Variants in ZNF783 observed in about 807,000 individuals in gnomAD.
ZNF783 encodes protein ZNF783.
A neutral mutation model predicts 31.3 loss-of-function variants in ZNF783; 25 were observed. The ratio of observed to expected loss-of-function variants is 0.80; its 90% CI spans 0.58 to 1.11. The LOEUF (loss-of-function observed/expected upper bound fraction) is 1.11. Among genes scored for constraint, ZNF783 ranks in the 50% most tolerant of loss-of-function variants. ZNF783 has a pLI of 0.00. For synonymous variants in ZNF783, 369 were observed against 319.1 expected (o/e 1.16, Z -1.66); for missense variants, 797 against 760.0 (o/e 1.05, Z -0.57).
intron 1 of ZNF783, among the ~76,000 whole-genome samples, chr7:149,264,872 C>CAA (rs56837970): frequency 0.024 from 1,252 of 53,020 alleles, 32 homozygotes; most frequent in African/African-American, 0.044. Context: ...GACTCCGTCT[C>CAA]AAAAAAAAAA....
rs1232299628 is a variant in ZNF783, at chr7:149,266,948, A to G, written c.547+3A>G. The G allele has an allele frequency of 2.5e-6, 4 of 1,613,910 alleles. No homozygotes were observed. In the African/African-American group the frequency reaches 5.3e-5, roughly 22 times the overall value. On this transcript the variant is annotated splice_donor_region_variant and intron_variant, in intron 3 of 5. Coordinates refer to ENST00000434415, the MANE Select transcript of ZNF783 (RefSeq NM_001195220.2). ...CTACGAGACGCTGGTCTCCCTGGGT[A>G]AGGCCACGGAGGGAGGATCTGGGCC...
chr7:149,277,576 T>C (rs1797361679), intron 4 of ZNF783, among the ~76,000 whole-genome samples: 1 of 151,564 alleles, frequency 6.6e-6, no homozygotes, highest in African/African-American at 2.4e-5. Context: ...CGTCTCTACT[T>C]AAAAAATACA....
chr7:149,281,988 G>C lies in ZNF783; in HGVS notation c.1286G>C (p.Arg429Pro). The C allele has an allele frequency of 6.3e-7, 1 of 1,576,702 alleles. No individual in the cohort carries two copies. The highest frequency in any genetic ancestry group is 1.1e-5 in the South Asian group (1 of 88,294). Residue 429 changes from arginine (R) to proline (P), a missense_variant, in exon 6 of 6, where the codon CGG (arginine) becomes CCG (proline). Physicochemically the swap from Arg to Pro is moderately radical, Grantham distance 103. Transcript: ENST00000434415. The part of the protein sequence containing the change: ...VAGGRALVGR[R>P]PAASKMYHCS... ...GGGGGCCGTGCCTTGGTGGGGCGGCGGCCTGCAGCCAGCAAGATGTACCAC... is the reference window on the plus strand; with the variant it reads ...GGGGGCCGTGCCTTGGTGGGGCGGCCGCCTGCAGCCAGCAAGATGTACCAC...
chr7:149,262,333 C>G lies in ZNF783; in HGVS notation c.-1C>G. ...CAACCCAGCGAGGGACGCGGGCAGC[C>G]ATGGCCGAAGCGGCGCCTGCCCGGG... On this transcript the variant is annotated 5_prime_UTR_variant, in exon 1 of 6. Coordinates refer to ENST00000434415, the MANE Select transcript of ZNF783 (RefSeq NM_001195220.2). 1 of 1,344,928 alleles carries G rather than the reference C, an allele frequency of 7.4e-7. No individual in the cohort carries two copies. Among genetic ancestry groups the G allele is most frequent in the Non-Finnish European group, 9.6e-7 (1 of 1,043,468 alleles). The allele number at this position is 1,344,928 out of a possible 1,614,324, so 83.3% of individuals were successfully genotyped here. A position where few individuals can be genotyped will look rare whatever the true frequency, so the allele number is the denominator to read the frequency against.
chr7:149,282,000 G>A lies in ZNF783; in HGVS notation c.1298G>A (p.Ser433Asn). The change falls in exon 6 of 6, where the codon AGC (serine) becomes AAC (asparagine). Residue 433 changes from serine to asparagine, a missense_variant. Transcript: ENST00000434415. ...RALVGRRPAA[S>N]KMYHCSECLR... ...TTGGTGGGGCGGCGGCCTGCAGCCA[G>A]CAAGATGTACCACTGCAGCGAGTGC... The A allele has an allele frequency of 6.3e-7, 1 of 1,581,764 alleles. No homozygotes were observed. Among genetic ancestry groups the A allele is most frequent in the South Asian group, 1.1e-5 (1 of 88,880 alleles).
At position 149,282,118 on chromosome 7, in the gene ZNF783, C is replaced by G. The variant is rs768840265; in HGVS notation, c.1416C>G (p.Gly472=). 1 of 1,598,732 alleles carries G rather than the reference C, an allele frequency of 6.3e-7. No individual in the cohort carries two copies. Among genetic ancestry groups the G allele is most frequent in the Non-Finnish European group, 8.5e-7 (1 of 1,179,216 alleles). ...GQGWPACPYC[G]KAFRRPSDLF... ...GCTGGCCCGCCTGCCCCTACTGCGGCAAGGCCTTCCGCCGGCCCTCGGACC... is the reference window on the plus strand; with the variant it reads ...GCTGGCCCGCCTGCCCCTACTGCGGGAAGGCCTTCCGCCGGCCCTCGGACC... Residue 472 remains glycine, a synonymous_variant, in exon 6 of 6, where the codon GGC becomes GGG. Coordinates refer to ENST00000434415, the MANE Select transcript of ZNF783 (RefSeq NM_001195220.2).
At chr7:149,277,622 C>G (rs1262357075) in intron 4 of ZNF783, among the ~76,000 whole-genome samples, 1 of 151,886 alleles carries the variant, frequency 6.6e-6, no homozygotes, top group Non-Finnish European at 1.5e-5. Flanking sequence ...CGTCTGTAAT[C>G]CCTACTACTT....
chr7:149,283,981 G>A lies in ZNF783; in HGVS notation c.*1638G>A, dbSNP rs1189973006. The A allele has an allele frequency of 6.6e-6, 1 of 152,182 alleles. No individual in the cohort carries two copies. The highest frequency in any genetic ancestry group is 1.5e-5 in the Non-Finnish European group (1 of 68,056). The allele number at this position is 152,182 out of a possible 1,614,324, so 9.4% of individuals were successfully genotyped here. A position where few individuals can be genotyped will look rare whatever the true frequency, so the allele number is the denominator to read the frequency against. The stretch of plus-strand genomic sequence containing the variant: ...TCGCCCATGGGGCTCTGTTCCCCAG[G>A]AGTCCTTTGTATTTTGGTGAACAAA... On this transcript the variant is annotated 3_prime_UTR_variant, in exon 6 of 6. Coordinates refer to ENST00000434415, the MANE Select transcript of ZNF783 (RefSeq NM_001195220.2).
In ZNF783 at chr7:149,267,194, G is replaced by A; in HGVS notation, c.645G>A (p.Glu215=). The change falls in exon 4 of 6, where the codon GAG becomes GAA. Residue 215 remains glutamate, a synonymous_variant. Transcript: ENST00000434415. ...RWGQEKGNEV[E]VGRPRMMGTG... ...GCCAGGAGAAGGGGAATGAAGTAGA[G>A]GTGGGACGTCCAAGGATGATGGGCA... 6.3e-7 allele frequency: 1 copy of A among 1,598,496 alleles called. No individual in the cohort carries two copies. The highest frequency in any genetic ancestry group is 8.5e-7 in the Non-Finnish European group (1 of 1,179,220).
chr7:149,267,370 C>T (rs1797104795), intron 4 of ZNF783, 148 bp downstream of exon 4: 1 of 1,117,396 alleles, frequency 8.9e-7, no homozygotes, highest in Admixed American at 2.9e-5. Flanking sequence ...ACAAGGCCAC[C>T]CTGGGCAGGA....
intron 4 of ZNF783, among the ~76,000 whole-genome samples, chr7:149,268,379 A>T (rs973367828): frequency 1.3e-5 from 2 of 152,222 alleles, no homozygotes; most frequent in African/African-American, 4.8e-5. Context: ...GAAGTATATT[A>T]AAAAAACTTA....
chr7:149,281,608 C>T lies in ZNF783; in HGVS notation c.906C>T (p.Pro302=), dbSNP rs770453002. 13 of 1,547,992 alleles carry T rather than the reference C, an allele frequency of 8.4e-6. No homozygotes were observed. Among genetic ancestry groups the T allele is most frequent in the Non-Finnish European group, 1.1e-5 (13 of 1,158,914 alleles). ...VSRGQTECRI[P]RGPRNRPGGP... ...GAGGCCAGACCGAGTGTAGAATCCC[C>T]CGAGGGCCCAGGAACAGGCCTGGGG... is the stretch of plus-strand genomic sequence containing the variant. The change falls in exon 6 of 6, where the codon CCC becomes CCT. Residue 302 remains proline (P), a synonymous_variant. Coordinates refer to ENST00000434415, the MANE Select transcript of ZNF783 (RefSeq NM_001195220.2).
At position 149,276,651 on chromosome 7, in the gene ZNF783, C is replaced by T. The variant is rs1337133742; in HGVS notation, c.674-1748C>T. 1.2e-5 allele frequency: 7 copies of T among 606,240 alleles called. No homozygotes were observed. In the South Asian group the frequency reaches 2.5e-4, roughly 22 times the overall value. 37.6% of individuals were successfully genotyped at this position (606,240 alleles called of 1,614,324 possible). On this transcript the variant is annotated intron_variant, in intron 4 of 5. Transcript: ENST00000434415. ...AGTGGACAGGACCCCACTTGGGTTA[C>T]TTTTTATTTATTTATTTATTTATTT...
At chr7:149,281,436 C>T (rs1158388906) in intron 5 of ZNF783, 69 bp from the exon 6 acceptor site, 10 of 1,362,894 alleles carry the variant, frequency 7.3e-6, no homozygotes, top group South Asian at 1.7e-5. Flanking sequence ...GAAGCCAGGA[C>T]TGGGCCGAGT....
rs1797096817 is a variant in ZNF783, at chr7:149,267,149, G to A, written c.600G>A (p.Glu200=). The part of the protein sequence containing the change: ...DILTRIERGE[E]PCLDRWGQEK... ...TCACCCGGATAGAGAGGGGAGAGGA[G>A]CCTTGTCTTGACCGGTGGGGCCAGG... Residue 200 remains glutamate (E), a synonymous_variant, in exon 4 of 6, where the codon GAG becomes GAA. Coordinates refer to ENST00000434415, the MANE Select transcript of ZNF783 (RefSeq NM_001195220.2). The A allele has an allele frequency of 1.1e-5, 17 of 1,599,450 alleles. No homozygotes were observed. Among genetic ancestry groups the A allele is most frequent in the Non-Finnish European group, 1.4e-5 (17 of 1,179,798 alleles).
intron 4 of ZNF783, among the ~76,000 whole-genome samples, chr7:149,269,227 C>T (rs1585611083): frequency 2.0e-5 from 3 of 152,208 alleles, no homozygotes; most frequent in East Asian, 1.9e-4. Flanking sequence ...GTTTGTTGGC[C>T]GCTTGCATGT....
At position 149,268,172 on chromosome 7, in the gene ZNF783, A is replaced by G. The variant is rs181313588; in HGVS notation, c.673+950A>G. On this transcript the variant is annotated intron_variant, in intron 4 of 5. Transcript: ENST00000434415. ...GGGTTTTGCCACATGCGCTTCATCCATCTGTTTTTACCCTTTTCCTGAACA... is the reference window on the plus strand; with the variant it reads ...GGGTTTTGCCACATGCGCTTCATCCGTCTGTTTTTACCCTTTTCCTGAACA... Among the ~76,000 whole-genome samples the G allele has an allele frequency of 6.4e-3, 977 of 152,282 alleles. 8 individuals carry two copies. Among genetic ancestry groups the G allele is most frequent in the South Asian group, 0.049 (237 of 4,828 alleles).
At chr7:149,268,520 C>T (rs758137360) in intron 4 of ZNF783, among the ~76,000 whole-genome samples, 9 of 152,114 alleles carry the variant, frequency 5.9e-5, no homozygotes, top group Non-Finnish European at 1.0e-4. Context: ...TATAGGCATA[C>T]ACCTGCGGGT....
At chr7:149,275,551 T>C (rs1388176884) in intron 4 of ZNF783, 1 of 152,230 alleles carries the variant, frequency 6.6e-6, no homozygotes, top group East Asian at 1.9e-4. Flanking sequence ...TTTCCTGACC[T>C]TGTGATCCGC....
Sources: allele counts gnomAD v4.1 joint callset (sites outside exome capture counted in the v4.1 genomes callset), GRCh38; gene constraint gnomAD v4.1.1; transcripts MANE v1.5; gene names NCBI Gene and HGNC (gene_info 2026-07-23, HGNC 2026-07-21).